The following MLLT3 variants were observed in gnomAD, a reference collection of about 807,000 sequenced individuals.
MLLT3 encodes the protein protein AF-9.
In MLLT3, 4 loss-of-function variants were observed where a neutral mutation model predicts 53.2. That is an observed-to-expected ratio of 0.08 (90% CI 0.04 to 0.17). The LOEUF is 0.17. Among genes scored for constraint, MLLT3 ranks in the 10% least tolerant of loss-of-function variants. The probability of loss-of-function intolerance (pLI) is 1.00; values close to 1 mark genes in which losing one functional copy is unlikely to be tolerated. For missense variants in MLLT3, 569 were observed against 684.0 expected (o/e 0.83, Z 1.87); for synonymous variants, 283 against 230.6 (o/e 1.23, Z -2.06).
chr9:20,364,663 G>A (rs749823970), intron 6 of MLLT3, among the ~76,000 whole-genome samples: 1 of 152,148 alleles, frequency 6.6e-6, no homozygotes, highest in Non-Finnish European at 1.5e-5. Flanking sequence ...TAGCCAAAAC[G>A]ATTACTGTCT....
intron 9 of MLLT3, 67 bp from the exon 10 acceptor site, chr9:20,353,663 TGTAA>T: frequency 3.0e-6 from 4 of 1,325,024 alleles, no homozygotes; most frequent in Non-Finnish European, 4.4e-6. Context: ...TAAATGAATA[TGTAA>T]GTAAGAACAC....
chr9:20,484,852 AT>A (rs1180212502), intron 2 of MLLT3, among the ~76,000 whole-genome samples: 1 of 152,254 alleles, frequency 6.6e-6, no homozygotes, highest in Non-Finnish European at 1.5e-5. Context: ...CAGTAATTAT[AT>A]AATCATAACC....
At position 20,343,447 on chromosome 9, in the gene MLLT3, C is replaced by T; in HGVS notation, c.*2996G>A. The T allele has an allele frequency of 4.5e-6, 1 of 222,746 alleles. No individual in the cohort carries two copies. The highest frequency in any genetic ancestry group is 2.2e-5 in the African/African-American group (1 of 44,654). 13.8% of individuals were successfully genotyped at this position (222,746 alleles called of 1,614,324 possible). On this transcript the variant is annotated 3_prime_UTR_variant, in exon 11 of 11. Coordinates refer to ENST00000380338, the MANE Select transcript of MLLT3 (RefSeq NM_004529.4). ...GTCTGTATTAAGATTGAGAGAGAGG[C>T]AGATTATGCTGAGGATGGTGAAGTA...
chr9:20,563,167 C>T (rs973699597), intron 2 of MLLT3, among the ~76,000 whole-genome samples: 2 of 152,144 alleles, frequency 1.3e-5, no homozygotes, highest in African/African-American at 4.8e-5. Flanking sequence ...AAGCTCTGAT[C>T]AACTCCAGAC....
intron 2 of MLLT3, among the ~76,000 whole-genome samples, chr9:20,591,951 G>C (rs1820140843): frequency 6.6e-6 from 1 of 152,016 alleles, no homozygotes; most frequent in Non-Finnish European, 1.5e-5. Context: ...CTTGAGCCCA[G>C]GAGTTCAAGT....
intron 2 of MLLT3, among the ~76,000 whole-genome samples, chr9:20,593,657 C>A (rs772483752): frequency 2.0e-5 from 3 of 152,146 alleles, no homozygotes. Flanking sequence ...TAAACTAACT[C>A]TGCTTATTCC....
intron 5 of MLLT3, among the ~76,000 whole-genome samples, chr9:20,410,221 G>T (rs1822691579): frequency 6.6e-6 from 1 of 151,954 alleles, no homozygotes; most frequent in Admixed American, 6.6e-5. Context: ...CCTTGAAAAA[G>T]GACACCAGAG....
intron 2 of MLLT3, among the ~76,000 whole-genome samples, chr9:20,560,755 T>A (rs182938316): frequency 9.8e-4 from 149 of 152,198 alleles, no homozygotes; most frequent in African/African-American, 3.2e-3. Context: ...TATTAAAAAA[T>A]TTTTTATTCT....
chr9:20,360,472 T>C (rs1271303951), intron 8 of MLLT3, among the ~76,000 whole-genome samples: 1 of 151,966 alleles, frequency 6.6e-6, no homozygotes, highest in Non-Finnish European at 1.5e-5. Context: ...AAATCAGGAG[T>C]AAATGGTAAA....
intron 2 of MLLT3, among the ~76,000 whole-genome samples, chr9:20,585,914 A>G (rs1365995124): frequency 6.6e-6 from 1 of 152,220 alleles, no homozygotes; most frequent in African/African-American, 2.4e-5. Flanking sequence ...ACAGTGAATA[A>G]GAATCACCAA....
chr9:20,412,868 C>A (rs1822764229), intron 5 of MLLT3, among the ~76,000 whole-genome samples: 1 of 152,194 alleles, frequency 6.6e-6, no homozygotes, highest in Non-Finnish European at 1.5e-5. Flanking sequence ...AACCCTGTCA[C>A]TAGAAGTGTA....
chr9:20,479,973 GT>G (rs1824622271), intron 2 of MLLT3, among the ~76,000 whole-genome samples: 1 of 152,174 alleles, frequency 6.6e-6, no homozygotes, highest in Non-Finnish European at 1.5e-5. Context: ...GCAACAGAGA[GT>G]TCCCATGATG....
chr9:20,619,181 T>A (rs1225859789), intron 2 of MLLT3, among the ~76,000 whole-genome samples: 1 of 152,242 alleles, frequency 6.6e-6, no homozygotes, highest in Non-Finnish European at 1.5e-5. Context: ...AATCTCTGAC[T>A]ATATTTTAAC....
At chr9:20,452,155 C>T (rs1177616786) in intron 3 of MLLT3, among the ~76,000 whole-genome samples, 3 of 152,158 alleles carry the variant, frequency 2.0e-5, no homozygotes, top group Non-Finnish European at 2.9e-5. Flanking sequence ...TCCCTCATTC[C>T]TGTGAAAACT....
At chr9:20,510,416 G>A (rs1035262279) in intron 2 of MLLT3, among the ~76,000 whole-genome samples, 1 of 152,132 alleles carries the variant, frequency 6.6e-6, no homozygotes, top group East Asian at 1.9e-4. Context: ...TTCAAGAGCA[G>A]CCTGGCCAAC....
chr9:20,414,720 T>C (rs1822829117), intron 4 of MLLT3, among the ~76,000 whole-genome samples: 2 of 152,216 alleles, frequency 1.3e-5, no homozygotes, highest in Admixed American at 6.5e-5. Flanking sequence ...CTGCTTGTCC[T>C]AGAAGATACA....
chr9:20,460,997 A>T (rs1367965824), intron 2 of MLLT3, among the ~76,000 whole-genome samples: 1 of 152,184 alleles, frequency 6.6e-6, no homozygotes, highest in Non-Finnish European at 1.5e-5. Flanking sequence ...TGAAACTAAT[A>T]TTCAACAGCC....
At chr9:20,480,759 G>C (rs1323595115) in intron 2 of MLLT3, among the ~76,000 whole-genome samples, 3 of 152,206 alleles carry the variant, frequency 2.0e-5, no homozygotes, top group Non-Finnish European at 2.9e-5. Context: ...TTGGAAGTGA[G>C]AAAGGGCCAA....
At chr9:20,617,653 CT>C (rs1820867891) in intron 2 of MLLT3, among the ~76,000 whole-genome samples, 2 of 152,064 alleles carry the variant, frequency 1.3e-5, no homozygotes, top group Non-Finnish European at 2.9e-5. Context: ...AAGATATTGT[CT>C]TTTTTTGCAG....
Sources: gnomAD v4.1 joint callset for allele counts (sites outside exome capture counted in the v4.1 genomes callset) on GRCh38, gnomAD v4.1.1 for gene constraint, MANE v1.5 for transcripts, NCBI Gene and HGNC (gene_info 2026-07-23, HGNC 2026-07-21) for gene names.